Variants in EHBP1 observed in about 807,000 individuals in gnomAD.
EHBP1 encodes EH domain-binding protein 1.
EHBP1 carries 55 observed loss-of-function variants against 144.0 expected under a neutral mutation model. The ratio of observed to expected loss-of-function variants is 0.38; its 90% CI spans 0.31 to 0.48. EHBP1 has a LOEUF of 0.48. EHBP1 is among the 20% of genes least tolerant of loss of function. The probability of loss-of-function intolerance (pLI) is 0.98; values close to 1 mark genes in which losing one functional copy is unlikely to be tolerated. For missense variants in EHBP1, 1,200 were observed against 1,364.2 expected (o/e 0.88, Z 1.90); for synonymous variants, 469 against 472.7 (o/e 0.99, Z 0.10).
chr2:62,776,138 A>AT (rs2042038549), intron 5 of EHBP1, among the ~76,000 whole-genome samples: 2 of 152,152 alleles, frequency 1.3e-5, no homozygotes, highest in East Asian at 1.9e-4. Context: ...AATTCTTAAT[A>AT]TTTTTTCTCA....
chr2:63,038,792 T>C lies in EHBP1; in HGVS notation c.3253T>C (p.Leu1085=), dbSNP rs754675853. ...ERRYELLNRE[L]RAMLAIEDWQ... is the part of the protein sequence containing the mutation. ...ACGGTATGAGCTGCTGAACCGGGAA[T>C]TGAGGGCAATGCTAGCCATTGAAGG... Residue 1085 remains leucine (L), a synonymous_variant, in exon 21 of 23, where the codon TTG becomes CTG. Coordinates refer to ENST00000431489, the MANE Select transcript of EHBP1 (RefSeq NM_001142616.3). The C allele has an allele frequency of 1.8e-5, 29 of 1,613,300 alleles. No individual in the cohort carries two copies. The Admixed American group carries it at 4.7e-4, about 26-fold the overall frequency.
intron 7 of EHBP1, among the ~76,000 whole-genome samples, chr2:62,854,602 G>A (rs930825847): frequency 1.3e-5 from 2 of 152,186 alleles, no homozygotes; most frequent in Non-Finnish European, 2.9e-5. Context: ...ACCGGGTGGA[G>A]CAGTCAGAAT....
At chr2:62,823,313 G>T (rs982605823) in intron 5 of EHBP1, among the ~76,000 whole-genome samples, 3 of 152,154 alleles carry the variant, frequency 2.0e-5, no homozygotes, top group African/African-American at 7.2e-5. Flanking sequence ...CAGACATTCA[G>T]CACTCACTTT....
chr2:63,020,980 ATT>A (rs761382729), intron 19 of EHBP1, among the ~76,000 whole-genome samples: 11 of 68,570 alleles, frequency 1.6e-4, no homozygotes, highest in African/African-American at 4.9e-4. Flanking sequence ...GCCTGGCCTC[ATT>A]TTTTTTTTTT....
chr2:62,861,168 C>T (rs540395606), intron 8 of EHBP1, among the ~76,000 whole-genome samples: 8 of 128,258 alleles, frequency 6.2e-5, no homozygotes, highest in South Asian at 2.6e-4. Flanking sequence ...CTCGCCCTGT[C>T]GCCCAGGCTG....
chr2:62,845,884 G>A (rs1029812367), intron 7 of EHBP1, among the ~76,000 whole-genome samples: 4 of 152,118 alleles, frequency 2.6e-5, no homozygotes, highest in Non-Finnish European at 5.9e-5. Context: ...CCTCTGTTAT[G>A]TAGTCACTAA....
At chr2:62,819,775 A>C (rs13011136) in intron 5 of EHBP1, among the ~76,000 whole-genome samples, 29,075 of 151,302 alleles carry the variant, frequency 0.19, 3,179 homozygotes, top group Middle Eastern at 0.35. Flanking sequence ...AAAAAACAAA[A>C]AAAAAAAAAC....
chr2:62,996,527 G>A, intron 18 of EHBP1, 116 bp from the exon 19 acceptor site: 5 of 1,292,684 alleles, frequency 3.9e-6, no homozygotes, highest in Middle Eastern at 2.6e-4. Flanking sequence ...GGTACTAAGG[G>A]TGATACTAAC....
At chr2:62,876,970 C>G (rs1191221140) in intron 10 of EHBP1, among the ~76,000 whole-genome samples, 1 of 152,150 alleles carries the variant, frequency 6.6e-6, no homozygotes, top group African/African-American at 2.4e-5. Context: ...CTTAACAACA[C>G]AATGATAGAA....
chr2:63,019,917 G>A (rs926691742), intron 19 of EHBP1, among the ~76,000 whole-genome samples: 7 of 149,802 alleles, frequency 4.7e-5, no homozygotes, highest in South Asian at 2.1e-4. Flanking sequence ...GGCTGGGTGC[G>A]GTGGCTCATG....
intron 7 of EHBP1, among the ~76,000 whole-genome samples, chr2:62,840,037 C>G (rs1262185791): frequency 6.6e-6 from 1 of 152,090 alleles, no homozygotes; most frequent in Non-Finnish European, 1.5e-5. Context: ...CCAAGACAAT[C>G]CTAAGCCAAA....
In EHBP1 at chr2:62,786,036, G is replaced by GT. The variant is rs534730949; in HGVS notation, c.312+14646dup. Among the ~76,000 whole-genome samples, 472 of 152,250 alleles carry GT rather than the reference G, an allele frequency of 3.1e-3. 3 individuals carry two copies. Among genetic ancestry groups the GT allele is most frequent in the African/African-American group, 0.011 (446 of 41,530 alleles). On this transcript the variant is annotated intron_variant, in intron 5 of 22. Coordinates refer to ENST00000431489, the MANE Select transcript of EHBP1 (RefSeq NM_001142616.3). ...TCCCGTATGTAACCAACTAAACATT[G>GT]TTATAAGCAGTGCAGCAATGCTTGC...
At chr2:62,865,084 T>G in intron 9 of EHBP1, 113 bp downstream of exon 9, 1 of 1,207,908 alleles carries the variant, frequency 8.3e-7, no homozygotes, top group Non-Finnish European at 1.2e-6. Flanking sequence ...ACTTTATAAG[T>G]CAGTATCTAA....
chr2:62,915,904 A>G (rs1000795593), intron 10 of EHBP1, among the ~76,000 whole-genome samples: 4 of 152,226 alleles, frequency 2.6e-5, no homozygotes, highest in Non-Finnish European at 5.9e-5. Flanking sequence ...TTAATATACA[A>G]TAACAGGAGT....
chr2:62,899,025 A>G (rs2053181580), intron 10 of EHBP1, among the ~76,000 whole-genome samples: 1 of 152,204 alleles, frequency 6.6e-6, no homozygotes, highest in African/African-American at 2.4e-5. Context: ...AGTGTTCATT[A>G]CATTTTGTGA....
intron 2 of EHBP1, among the ~76,000 whole-genome samples, chr2:62,708,459 T>C (rs571815686): frequency 1.9e-4 from 29 of 152,358 alleles, no homozygotes; most frequent in Middle Eastern, 3.4e-3. Context: ...ATAAGGATTT[T>C]AATCTGTCTC....
At chr2:62,999,383 G>A (rs188528343) in intron 19 of EHBP1, among the ~76,000 whole-genome samples, 81 of 152,166 alleles carry the variant, frequency 5.3e-4, no homozygotes, top group Admixed American at 2.3e-3. Flanking sequence ...ATTCTGTAGC[G>A]TTTGGTACAT....
At chr2:62,863,784 C>A (rs2049798776) in intron 8 of EHBP1, among the ~76,000 whole-genome samples, 1 of 144,606 alleles carries the variant, frequency 6.9e-6, no homozygotes, top group Non-Finnish European at 1.5e-5. Context: ...AAAAGTGAAT[C>A]AATTTCCTGT....
intron 2 of EHBP1, among the ~76,000 whole-genome samples, chr2:62,728,398 C>T (rs578153547): frequency 1.3e-5 from 2 of 152,316 alleles, no homozygotes; most frequent in East Asian, 1.9e-4. Flanking sequence ...ATTTCCTCAC[C>T]AACACATCTG....
Sources: allele counts gnomAD v4.1 joint callset (sites outside exome capture counted in the v4.1 genomes callset), GRCh38; gene constraint gnomAD v4.1.1; transcripts MANE v1.5; gene names NCBI Gene and HGNC (gene_info 2026-07-23, HGNC 2026-07-21).